Variants in DNM2 observed in about 807,000 individuals in gnomAD.
DNM2 encodes dynamin 2.
Under a neutral mutation model 99.0 loss-of-function variants are expected in DNM2, and 15 were observed. The observed-to-expected ratio is 0.15, with a 90% CI of 0.10 to 0.23. The LOEUF (loss-of-function observed/expected upper bound fraction) is 0.23, where lower values mean the gene tolerates loss of function less well. Ranked by LOEUF, DNM2 falls within the 10% of genes least tolerant of loss-of-function variation. The pLI is 1.00. For missense variants in DNM2, 742 were observed against 1,189.4 expected, an observed-to-expected ratio of 0.62 and a Z score of 5.53; for synonymous variants, 525 against 481.2, an observed-to-expected ratio of 1.09 and a Z score of -1.19.
rs774897265 is a variant in DNM2 at position 10,829,186 on chromosome 19, G to A, written c.2209G>A (p.Gly737Ser). The A allele has an allele frequency of 6.8e-6, 11 of 1,613,896 alleles. No individual in the cohort carries two copies. Among genetic ancestry groups the A allele is most frequent in the African/African-American group, 2.7e-5 (2 of 74,918 alleles). The change falls in exon 19 of 21, where the codon GGT (glycine) becomes AGT (serine). Residue 737 changes from glycine to serine, a missense_variant. Gly to Ser is a moderately conservative substitution (Grantham distance 56). Coordinates refer to ENST00000389253, the MANE Select transcript of DNM2 (RefSeq NM_001005361.3). Reference protein sequence around the residue: ...HALKEALNIIGDISTSTVSTP... With the variant: ...HALKEALNIISDISTSTVSTP... Reference sequence around the variant, plus strand: ...CCTCAAGGAGGCGCTCAACATCATCGGTGACATCAGCACCAGCACTGTGTC... The same window carrying A: ...CCTCAAGGAGGCGCTCAACATCATCAGTGACATCAGCACCAGCACTGTGTC...
chr19:10,744,315 G>A (rs2069880301), intron 1 of DNM2, among the ~76,000 whole-genome samples: 1 of 152,166 alleles, frequency 6.6e-6, no homozygotes, highest in African/African-American at 2.4e-5. Flanking sequence ...GGATGGGTCT[G>A]GATATCCAAG....
intron 18 of DNM2, among the ~76,000 whole-genome samples, chr19:10,825,643 T>C: frequency 6.6e-6 from 1 of 151,664 alleles, no homozygotes; most frequent in Non-Finnish European, 1.5e-5. Context: ...CACTCCAGCC[T>C]GGGCGACAGA....
At chr19:10,726,806 T>TAAGCCGAGATTGC (rs2145686908) in intron 1 of DNM2, among the ~76,000 whole-genome samples, 1 of 152,240 alleles carries the variant, frequency 6.6e-6, no homozygotes, top group Admixed American at 6.5e-5. Context: ...GAGGTTGCGG[T>TAAGCCGAGATTGC]AAGCCGAGAT....
Position 10,831,501 on chromosome 19 carries a change from G to A in DNM2, c.*454G>A, listed in dbSNP as rs922480697. 1.8e-5 allele frequency: 18 copies of A among 988,130 alleles called. No homozygotes were observed. In the Admixed American group the frequency reaches 1.8e-4, roughly 10 times the overall value. The allele number at this position is 988,130 out of a possible 1,614,324, so 61.2% of individuals were successfully genotyped here. A position where few individuals can be genotyped will look rare whatever the true frequency, so the allele number is the denominator to read the frequency against. ...TTCCCATTAGCAGGAGCTCCCCAGCGGCAAGCCTGGCCCAGTGGGCTCGGT... is the reference window on the plus strand; with the variant it reads ...TTCCCATTAGCAGGAGCTCCCCAGCAGCAAGCCTGGCCCAGTGGGCTCGGT... On this transcript the variant is annotated 3_prime_UTR_variant, in exon 21 of 21. Transcript: ENST00000389253. This position sits in a 1 kb window ranked among gnomAD's most constrained non-coding sequence, Gnocchi z 4.3.
At chr19:10,826,956 C>G (rs1214083653) in intron 18 of DNM2, among the ~76,000 whole-genome samples, 2 of 151,768 alleles carry the variant, frequency 1.3e-5, no homozygotes, top group African/African-American at 4.8e-5. Flanking sequence ...AGTAAAACTC[C>G]CACACAGGGT....
At chr19:10,738,160 A>G (rs1054562387) in intron 1 of DNM2, among the ~76,000 whole-genome samples, 1 of 152,094 alleles carries the variant, frequency 6.6e-6, no homozygotes, top group African/African-American at 2.4e-5. Context: ...TGGAAGGCCG[A>G]GGTGGGCAGA....
chr19:10,790,720 G>A (rs1407115096), intron 7 of DNM2, among the ~76,000 whole-genome samples: 3 of 152,188 alleles, frequency 2.0e-5, no homozygotes, highest in South Asian at 2.1e-4. Context: ...TGCCCACCTC[G>A]GCCTCCCAAA....
At chr19:10,814,366 A>G (rs2072661712) in intron 15 of DNM2, among the ~76,000 whole-genome samples, 1 of 151,868 alleles carries the variant, frequency 6.6e-6, no homozygotes, top group Admixed American at 6.6e-5. Flanking sequence ...CAGGAGGCTG[A>G]GGTGGGAGAA....
intron 2 of DNM2, chr19:10,768,996 A>G (rs2070890475): frequency 6.6e-6 from 1 of 152,252 alleles, no homozygotes; most frequent in Non-Finnish European, 1.5e-5. Flanking sequence ...GGAGGTGGGG[A>G]TGCTGTGTGA....
chr19:10,744,156 T>TA (rs35842666), intron 1 of DNM2, among the ~76,000 whole-genome samples: 9,362 of 144,912 alleles, frequency 0.065, 683 homozygotes, highest in East Asian at 0.33. Context: ...AGACTCCATC[T>TA]AAAAAAAAAA....
intron 13 of DNM2, 123 bp from the exon 14 acceptor site, chr19:10,808,446 T>C: frequency 9.4e-7 from 1 of 1,065,978 alleles, no homozygotes; most frequent in South Asian, 1.6e-5. Flanking sequence ...TCCCCTGCTC[T>C]TCTCTTCTCC....
At chr19:10,728,982 G>A (rs959755282) in intron 1 of DNM2, among the ~76,000 whole-genome samples, 4 of 149,190 alleles carry the variant, frequency 2.7e-5, no homozygotes, top group South Asian at 2.1e-4. Context: ...GTTCACGCCT[G>A]TAATCCCAAC....
chr19:10,807,646 T>TC (rs2072394626), intron 13 of DNM2, among the ~76,000 whole-genome samples: 1 of 147,758 alleles, frequency 6.8e-6, no homozygotes, highest in South Asian at 2.2e-4. Context: ...CCTCCTAGCT[T>TC]CGTGTGATTC....
intron 6 of DNM2, among the ~76,000 whole-genome samples, chr19:10,784,641 C>T (rs2071491462): frequency 6.6e-6 from 1 of 152,094 alleles, no homozygotes; most frequent in Non-Finnish European, 1.5e-5. Flanking sequence ...GCGTAGCTCC[C>T]TGCCTTTCTA....
intron 16 of DNM2, among the ~76,000 whole-genome samples, chr19:10,821,663 C>G (rs924702911): frequency 2.6e-5 from 4 of 152,170 alleles, no homozygotes; most frequent in Non-Finnish European, 5.9e-5. Context: ...TCCCAAGTAG[C>G]TGGAATTACA....
chr19:10,772,678 G>A lies in DNM2; in HGVS notation c.385+50G>A, dbSNP rs1279015210. The stretch of plus-strand genomic sequence containing the variant: ...TCACTGACCGTTTCTGGTCGTTCAT[G>A]GACAGTGCTATGGGTGAGCCTGTGT... On this transcript the variant is annotated intron_variant, in intron 3 of 20. Coordinates refer to ENST00000389253, the MANE Select transcript of DNM2 (RefSeq NM_001005361.3). The surrounding 1 kb of genome is among the most constrained non-coding windows in gnomAD (Gnocchi z 4.9). 1 of 1,612,050 alleles carries A rather than the reference G, an allele frequency of 6.2e-7. No individual in the cohort carries two copies. The highest frequency in any genetic ancestry group is 8.5e-7 in the Non-Finnish European group (1 of 1,179,570).
Position 10,718,330 on chromosome 19 carries a change from G to A in DNM2, c.88G>A (p.Asp30Asn), listed in dbSNP as rs1344949726. Residue 30 changes from aspartate to asparagine, a missense_variant, in exon 1 of 21, where the codon GAC becomes AAC. Transcript: ENST00000389253. ...CTCCATCGGCCAGAGCTGCCACCTGGACCTGCCGCAGATCGCTGTAGTGGG... is the reference window on the plus strand; with the variant it reads ...CTCCATCGGCCAGAGCTGCCACCTGAACCTGCCGCAGATCGCTGTAGTGGG... ...FSSIGQSCHL[D>N]LPQIAVVGGQ... The A allele has an allele frequency of 1.3e-6, 2 of 1,517,252 alleles. No homozygotes were observed. Among genetic ancestry groups the A allele is most frequent in the Admixed American group, 4.3e-5 (2 of 47,014 alleles). The allele number at this position is 1,517,252 out of a possible 1,614,324, so 94.0% of individuals were successfully genotyped here.
chr19:10,795,250 C>T lies in DNM2; in HGVS notation c.1129-122C>T, dbSNP rs951511382. On this transcript the variant is annotated intron_variant, in intron 8 of 20. Transcript: ENST00000389253. This position sits in a 1 kb window ranked among gnomAD's most constrained non-coding sequence, Gnocchi z 4.2. ...TTCAATTTTTTAAATAAAATTTTGA[C>T]GAGTTAAATATTCTGCCTTGTGAAT... 32 of 914,054 alleles carry T rather than the reference C, an allele frequency of 3.5e-5. No individual in the cohort carries two copies. Among genetic ancestry groups the T allele is most frequent in the Non-Finnish European group, 4.8e-5 (27 of 560,840 alleles). 56.6% of individuals were successfully genotyped at this position (914,054 alleles called of 1,614,324 possible). A position where few individuals can be genotyped will look rare whatever the true frequency, so the allele number is the denominator to read the frequency against.
chr19:10,781,335 C>T (rs554917077), intron 5 of DNM2: 1 of 152,362 alleles, frequency 6.6e-6, no homozygotes, highest in African/African-American at 2.4e-5. Flanking sequence ...TGTGACCTCA[C>T]CTTGGCATGT....
Sources: gnomAD v4.1 joint callset for allele counts (sites outside exome capture counted in the v4.1 genomes callset) on GRCh38, gnomAD v4.1.1 for gene constraint, Gnocchi (gnomAD v3.1) non-coding constraint, MANE v1.5 for transcripts, NCBI Gene and HGNC (gene_info 2026-07-23, HGNC 2026-07-21) for gene names.